The following ASTN2 variants were observed in gnomAD, a reference collection of about 807,000 sequenced individuals.
ASTN2 encodes astrotactin-2.
A neutral mutation model predicts 139.8 loss-of-function variants in ASTN2; 54 were observed. That is an observed-to-expected ratio of 0.39 (90% CI 0.31 to 0.48). The LOEUF is 0.48. ASTN2 is among the 20% of genes least tolerant of loss of function. The pLI, the probability that ASTN2 is intolerant of heterozygous loss-of-function variation, is 0.95. For synonymous variants in ASTN2, 756 were observed against 719.5 expected (o/e 1.05, Z -0.81); for missense variants, 1,565 against 1,725.1 (o/e 0.91, Z 1.64).
chr9:116,864,059 G>A (rs556602239), intron 10 of ASTN2, among the ~76,000 whole-genome samples: 1 of 152,300 alleles, frequency 6.6e-6, no homozygotes, highest in South Asian at 2.1e-4. Context: ...AAGGCCAGCA[G>A]CTTACAATGT....
intron 19 of ASTN2, among the ~76,000 whole-genome samples, chr9:116,563,552 A>AGAT (rs1428956416): frequency 6.6e-6 from 1 of 151,992 alleles, no homozygotes; most frequent in Non-Finnish European, 1.5e-5. Context: ...CCTCTACCTG[A>AGAT]GATGCTCTTT....
intron 1 of ASTN2, among the ~76,000 whole-genome samples, chr9:117,326,377 A>T (rs1050802523): frequency 3.3e-5 from 5 of 152,248 alleles, no homozygotes; most frequent in African/African-American, 1.2e-4. Flanking sequence ...AACAAGCTTT[A>T]GCTCCTTACT....
intron 1 of ASTN2, among the ~76,000 whole-genome samples, chr9:117,323,345 C>G (rs994362117): frequency 8.5e-6 from 1 of 118,258 alleles, no homozygotes; most frequent in African/African-American, 3.0e-5. Flanking sequence ...AAGACCTAAC[C>G]CCTCAAAGAC....
chr9:116,897,987 T>C (rs148378181), intron 10 of ASTN2, among the ~76,000 whole-genome samples: 31 of 152,304 alleles, frequency 2.0e-4, no homozygotes, highest in African/African-American at 6.7e-4. Context: ...AGAGTGATTT[T>C]AGTTATAGTG....
chr9:117,348,827 T>A (rs372776808), intron 1 of ASTN2, among the ~76,000 whole-genome samples: 28 of 148,590 alleles, frequency 1.9e-4, no homozygotes, highest in African/African-American at 6.7e-4. Flanking sequence ...TAATAACAGA[T>A]CTCCTAATTC....
intron 1 of ASTN2, among the ~76,000 whole-genome samples, chr9:117,353,626 G>C (rs1829452071): frequency 6.6e-6 from 1 of 152,090 alleles, no homozygotes; most frequent in East Asian, 1.9e-4. Flanking sequence ...TGGCCCCAAT[G>C]TTCCAACAAT....
chr9:116,584,933 A>C (rs1345049583), intron 19 of ASTN2: 1 of 152,242 alleles, frequency 6.6e-6, no homozygotes, highest in African/African-American at 2.4e-5. Context: ...AGGTACTCCA[A>C]GACAAAGAAT....
chr9:117,407,013 G>C (rs1206250079), intron 1 of ASTN2, among the ~76,000 whole-genome samples: 1 of 152,086 alleles, frequency 6.6e-6, no homozygotes, highest in Non-Finnish European at 1.5e-5. Flanking sequence ...GTGATTCAAA[G>C]GGCCTGGCTA....
intron 11 of ASTN2, among the ~76,000 whole-genome samples, chr9:116,824,180 G>A (rs922918719): frequency 1.3e-5 from 2 of 152,140 alleles, no homozygotes; most frequent in African/African-American, 4.8e-5. Flanking sequence ...CTATCTTCAC[G>A]TGATTACTGT....
At chr9:116,838,989 A>G (rs983386434) in intron 11 of ASTN2, among the ~76,000 whole-genome samples, 1 of 152,226 alleles carries the variant, frequency 6.6e-6, no homozygotes, top group Non-Finnish European at 1.5e-5. Flanking sequence ...CTGCTTGACT[A>G]TGAACAATGA....
intron 10 of ASTN2, among the ~76,000 whole-genome samples, chr9:116,964,252 T>TGCGC (rs1333717395): frequency 7.8e-5 from 10 of 128,874 alleles, no homozygotes; most frequent in African/African-American, 3.1e-4. Flanking sequence ...TGTGTGTGTG[T>TGCGC]GTGTGCGCGC....
intron 19 of ASTN2, among the ~76,000 whole-genome samples, chr9:116,501,974 C>T (rs757043549): frequency 3.8e-4 from 58 of 152,130 alleles, no homozygotes; most frequent in African/African-American, 1.2e-3. Context: ...ATCCCCCTCC[C>T]CACTCCATCC....
At position 116,840,701 on chromosome 9, in the gene ASTN2, C is replaced by A. The variant is rs1036193768; in HGVS notation, c.2041-19918G>T. ...GCAGAGGGTCTCCTCACTTCTCAGA[C>A]GGGGCGTCCGGGCAGAGACGCTCCT... On this transcript the variant is annotated intron_variant, in intron 11 of 22. Transcript: ENST00000313400. 1.7e-3 allele frequency among the ~76,000 whole-genome samples: 190 copies of A among 114,126 alleles called. 2 individuals are homozygous for A. The highest frequency in any genetic ancestry group is 2.9e-3 in the Non-Finnish European group (153 of 52,174). The allele number at this position is 114,126 out of a possible 152,430, so 74.9% of individuals were successfully genotyped here. A position where few individuals can be genotyped will look rare whatever the true frequency, so the allele number is the denominator to read the frequency against.
intron 5 of ASTN2, among the ~76,000 whole-genome samples, chr9:117,043,823 G>A (rs928391961): frequency 6.7e-6 from 1 of 150,080 alleles, no homozygotes; most frequent in Non-Finnish European, 1.5e-5. Context: ...CACGAGAATC[G>A]CTTGAACCCA....
chr9:117,290,597 A>G (rs116833064), intron 2 of ASTN2, among the ~76,000 whole-genome samples: 1,553 of 152,316 alleles, frequency 0.01, 32 homozygotes, highest in African/African-American at 0.036. Context: ...TAATTTCCAT[A>G]CATGTATCCA....
chr9:117,133,482 A>T (rs1829871772), intron 4 of ASTN2, among the ~76,000 whole-genome samples: 1 of 152,184 alleles, frequency 6.6e-6, no homozygotes, highest in Non-Finnish European at 1.5e-5. Flanking sequence ...AGGCCCAGAG[A>T]GTGGAAGGTC....
At chr9:117,092,906 G>T (rs777109693) in intron 5 of ASTN2, among the ~76,000 whole-genome samples, 10 of 152,104 alleles carry the variant, frequency 6.6e-5, no homozygotes, top group African/African-American at 9.7e-5. Flanking sequence ...GAACCCATCA[G>T]CCCAGCCAAA....
intron 5 of ASTN2, among the ~76,000 whole-genome samples, chr9:117,088,461 T>G (rs1041259062): frequency 6.6e-6 from 1 of 152,168 alleles, no homozygotes; most frequent in African/African-American, 2.4e-5. Flanking sequence ...TCTGCAGATA[T>G]GACTTGAACT....
At chr9:117,357,138 A>G (rs868138856) in intron 1 of ASTN2, among the ~76,000 whole-genome samples, 8 of 152,224 alleles carry the variant, frequency 5.3e-5, no homozygotes, top group Non-Finnish European at 8.8e-5. Context: ...TACAGTGTCC[A>G]GGGCTCATAG....
Sources: allele counts gnomAD v4.1 joint callset (sites outside exome capture counted in the v4.1 genomes callset), GRCh38; gene constraint gnomAD v4.1.1; transcripts MANE v1.5; gene names NCBI Gene and HGNC (gene_info 2026-07-23, HGNC 2026-07-21).